NFIB: variants seen among roughly 807,000 people sequenced by gnomAD.
NFIB encodes the protein nuclear factor I B.
In NFIB, 11 loss-of-function variants were observed where a neutral mutation model predicts 61.5. The ratio of observed to expected loss-of-function variants is 0.18; its 90% CI spans 0.11 to 0.30. The LOEUF is 0.30. Among genes scored for constraint, NFIB ranks in the 10% least tolerant of loss-of-function variants. The pLI is 1.00. For synonymous variants in NFIB, 260 were observed against 216.5 expected (o/e 1.20, Z -1.76); for missense variants, 471 against 608.9 (o/e 0.77, Z 2.38).
At chr9:14,507,477 T>G in the NFIB span, among the ~76,000 whole-genome samples, 1 of 152,206 alleles carries the variant, frequency 6.6e-6, no homozygotes, top group South Asian at 2.1e-4. Flanking sequence ...TATGTAACAT[T>G]TTTCTTTGTT....
At chr9:14,447,599 C>G in the NFIB span, among the ~76,000 whole-genome samples, 2 of 152,130 alleles carry the variant, frequency 1.3e-5, no homozygotes. Flanking sequence ...CCGCATTCAC[C>G]ACATTCACCA....
chr9:14,514,078 A>G, the NFIB span, among the ~76,000 whole-genome samples: 9 of 152,210 alleles, frequency 5.9e-5, no homozygotes, highest in Non-Finnish European at 1.0e-4. Flanking sequence ...GAATTCAGCA[A>G]ATAAAATTTG....
At chr9:14,298,813 C>T (rs1475369839) in intron 2 of NFIB, among the ~76,000 whole-genome samples, 1 of 152,216 alleles carries the variant, frequency 6.6e-6, no homozygotes, top group Non-Finnish European at 1.5e-5. Flanking sequence ...CAGGTAGCAA[C>T]TTAGCCAGGG....
At chr9:14,428,601 T>G in the NFIB span, among the ~76,000 whole-genome samples, 324 of 152,338 alleles carry the variant, frequency 2.1e-3, 1 homozygote, top group African/African-American at 7.6e-3. Flanking sequence ...TGGTGTGATT[T>G]CTGAAATTGC....
At chr9:14,291,078 A>G (rs1453078437) in intron 2 of NFIB, among the ~76,000 whole-genome samples, 1 of 152,098 alleles carries the variant, frequency 6.6e-6, no homozygotes, top group African/African-American at 2.4e-5. Flanking sequence ...TAATACTCTA[A>G]TATCTCTGTT....
intron 2 of NFIB, among the ~76,000 whole-genome samples, chr9:14,216,434 A>T (rs2050867369): frequency 6.6e-6 from 1 of 151,960 alleles, no homozygotes; most frequent in African/African-American, 2.4e-5. Context: ...GCAGGAGGCA[A>T]GTGGGCTCTG....
At chr9:14,363,769 C>T (rs1023339107) in intron 1 of NFIB, among the ~76,000 whole-genome samples, 1 of 152,062 alleles carries the variant, frequency 6.6e-6, no homozygotes, top group Non-Finnish European at 1.5e-5. Context: ...ATTAACTTTT[C>T]ACTTATTTTA....
chr9:14,180,053 C>CA (rs1185777317), intron 2 of NFIB, among the ~76,000 whole-genome samples: 1 of 152,156 alleles, frequency 6.6e-6, no homozygotes, highest in Non-Finnish European at 1.5e-5. Context: ...GATCTGGCTA[C>CA]AAAGCCATTG....
chr9:14,196,734 C>A (rs2048514994), intron 2 of NFIB, among the ~76,000 whole-genome samples: 1 of 150,454 alleles, frequency 6.6e-6, no homozygotes, highest in South Asian at 2.1e-4. Flanking sequence ...CTCCTACCCT[C>A]AGAACTATGG....
intron 2 of NFIB, among the ~76,000 whole-genome samples, chr9:14,203,626 C>T (rs916505050): frequency 2.0e-5 from 3 of 152,218 alleles, no homozygotes; most frequent in South Asian, 4.1e-4. Flanking sequence ...CCTGAAATGT[C>T]GCCGGCCTGG....
chr9:14,421,084 C>CA, the NFIB span, among the ~76,000 whole-genome samples: 954 of 135,792 alleles, frequency 7.0e-3, 25 homozygotes, highest in Admixed American at 0.041. Flanking sequence ...GGATCTTTGG[C>CA]AAAAAAAAAA....
chr9:14,447,368 G>A, the NFIB span, among the ~76,000 whole-genome samples: 1 of 152,122 alleles, frequency 6.6e-6, no homozygotes, highest in African/African-American at 2.4e-5. Context: ...ATTCATGGGA[G>A]TTCTTTAGAG....
In NFIB at chr9:14,217,660, C is replaced by CAAAAAAAAAAAAAAAAAAAAAAA. The variant is rs34055171; in HGVS notation, c.563-37881_563-37880insTTTTTTTTTTTTTTTTTTTTTTT. ...GGGCAACAAGAGTGAAACTCCATCT[C>CAAAAAAAAAAAAAAAAAAAAAAA]AAAAAAAAAAAAAAAAAAAAAGACA... On this transcript the variant is annotated intron_variant, in intron 2 of 10. Transcript: ENST00000380953. Among the ~76,000 whole-genome samples, 49 of 81,484 alleles carry CAAAAAAAAAAAAAAAAAAAAAAA rather than the reference C, an allele frequency of 6.0e-4. No individual in the cohort carries two copies. The East Asian group carries it at 6.0e-3, about 10-fold the overall frequency. 53.5% of individuals were successfully genotyped at this position (81,484 alleles called of 152,430 possible).
In NFIB at chr9:14,084,190, C is replaced by T; in HGVS notation, c.*4119G>A. The T allele has an allele frequency of 5.0e-6, 1 of 200,666 alleles. No homozygotes were observed. Among genetic ancestry groups the T allele is most frequent in the Non-Finnish European group, 1.0e-5 (1 of 97,176 alleles). 12.4% of individuals were successfully genotyped at this position (200,666 alleles called of 1,614,324 possible). ...GAGACTGGAGAGTTTTAACTCAAGTCCAGTCTCTAAACAAGGAATATTCTT... is the reference window on the plus strand; with the variant it reads ...GAGACTGGAGAGTTTTAACTCAAGTTCAGTCTCTAAACAAGGAATATTCTT... On this transcript the variant is annotated 3_prime_UTR_variant, in exon 11 of 11. Transcript: ENST00000380953.
At chr9:14,431,192 G>A in the NFIB span, among the ~76,000 whole-genome samples, 2 of 152,130 alleles carry the variant, frequency 1.3e-5, no homozygotes, top group Admixed American at 6.5e-5. Context: ...GAAACCCAAT[G>A]TCAGCAAACT....
chr9:14,269,876 T>A (rs1375304475), intron 2 of NFIB, among the ~76,000 whole-genome samples: 1 of 152,196 alleles, frequency 6.6e-6, no homozygotes, highest in Non-Finnish European at 1.5e-5. Flanking sequence ...TCATAATTTT[T>A]ACTTTACTCC....
intron 2 of NFIB, among the ~76,000 whole-genome samples, chr9:14,194,737 G>T (rs894286517): frequency 6.6e-6 from 1 of 152,052 alleles, no homozygotes; most frequent in Admixed American, 6.6e-5. Flanking sequence ...ATTTGGCTGA[G>T]AAATAGGTTG....
intron 1 of NFIB, among the ~76,000 whole-genome samples, chr9:14,310,651 T>C (rs1200766754): frequency 6.6e-6 from 1 of 152,140 alleles, no homozygotes; most frequent in Non-Finnish European, 1.5e-5. Flanking sequence ...AAGCAAAACA[T>C]ATAAGTGATT....
chr9:14,151,924 C>G (rs2042913762), intron 4 of NFIB, among the ~76,000 whole-genome samples: 1 of 152,030 alleles, frequency 6.6e-6, no homozygotes, highest in African/African-American at 2.4e-5. Flanking sequence ...GTATAAAATT[C>G]CAAAGGGATT....
Sources: allele counts gnomAD v4.1 joint callset (sites outside exome capture counted in the v4.1 genomes callset), GRCh38; gene constraint gnomAD v4.1.1; transcripts MANE v1.5; gene names NCBI Gene and HGNC (gene_info 2026-07-23, HGNC 2026-07-21).